LIPA: variants seen among roughly 807,000 people sequenced by gnomAD.
The protein encoded by LIPA is lipase A, lysosomal acid type.
In LIPA, 26 loss-of-function variants were observed where a neutral mutation model predicts 40.6. That is an observed-to-expected ratio of 0.64 (90% CI 0.47 to 0.89). LIPA has a LOEUF of 0.89. Among genes scored for constraint, LIPA ranks in the 40% least tolerant of loss-of-function variants. The probability of loss-of-function intolerance (pLI) is 0.00; values close to 1 mark genes in which losing one functional copy is unlikely to be tolerated. For synonymous variants in LIPA, 188 were observed against 168.4 expected (o/e 1.12, Z -0.90); for missense variants, 455 against 479.6 (o/e 0.95, Z 0.48).
chr10:89,220,919 AG>A (rs1842690021), intron 8 of LIPA, among the ~76,000 whole-genome samples: 3 of 152,224 alleles, frequency 2.0e-5, no homozygotes, highest in Admixed American at 2.0e-4. Flanking sequence ...TACACAACAT[AG>A]GAAAATTTCA....
chr10:89,252,857 A>G (rs1009369851), upstream of LIPA, among the ~76,000 whole-genome samples: 1 of 151,934 alleles, frequency 6.6e-6, no homozygotes, highest in Non-Finnish European at 1.5e-5. Context: ...TATGGTAATC[A>G]GGAAAGGACT....
At chr10:89,228,106 A>G in intron 4 of LIPA, 94 bp downstream of exon 4, 1 of 1,058,814 alleles carries the variant, frequency 9.4e-7, no homozygotes, top group Non-Finnish European at 1.5e-6. Flanking sequence ...ACAACTTCAG[A>G]GTTACCACCT....
intron 1 of LIPA, among the ~76,000 whole-genome samples, chr10:89,325,958 G>GA (rs1343979048): frequency 1.7e-4 from 26 of 152,210 alleles, no homozygotes; most frequent in African/African-American, 6.0e-4. Flanking sequence ...CAAGGATGTG[G>GA]AAAAAAGGAA....
At chr10:89,339,407 A>T in intron 1 of LIPA, 3 of 1,614,212 alleles carry the variant, frequency 1.9e-6, no homozygotes, top group Non-Finnish European at 2.5e-6. Flanking sequence ...GCCAAATTTT[A>T]CAGAAGAAAA....
intron 1 of LIPA, among the ~76,000 whole-genome samples, chr10:89,297,953 C>G (rs985307669): frequency 2.0e-5 from 3 of 152,262 alleles, no homozygotes; most frequent in African/African-American, 7.2e-5. Flanking sequence ...CGTCTCTCCT[C>G]TCTCTGCACA....
chr10:89,394,940 A>G (rs376732836), intron 2 of LIPA, among the ~76,000 whole-genome samples: 1 of 152,038 alleles, frequency 6.6e-6, no homozygotes, highest in African/African-American at 2.4e-5. Context: ...AACACATACT[A>G]TGTGGTTATA....
At chr10:89,347,329 C>G (rs1843929691), upstream of LIPA, among the ~76,000 whole-genome samples, 1 of 152,188 alleles carries the variant, frequency 6.6e-6, no homozygotes, top group Admixed American at 6.5e-5. Flanking sequence ...CACCCTCTGC[C>G]TAGCATGTAC....
At chr10:89,304,712 T>C (rs1464861372) in intron 1 of LIPA, among the ~76,000 whole-genome samples, 1 of 152,186 alleles carries the variant, frequency 6.6e-6, no homozygotes, top group Non-Finnish European at 1.5e-5. Context: ...TAATTCGAAA[T>C]ACAGGCTTTT....
chr10:89,356,913 A>C (rs556042989), intron 2 of LIPA, among the ~76,000 whole-genome samples: 2 of 152,234 alleles, frequency 1.3e-5, no homozygotes, highest in African/African-American at 4.8e-5. Flanking sequence ...GACTGATTGA[A>C]TCATTGGCCA....
At chr10:89,414,452 T>G (rs935935897) in exon 1 of LIPA, 1 of 289,684 alleles carries the variant, frequency 3.5e-6, no homozygotes, top group African/African-American at 2.2e-5. Flanking sequence ...GGAGCCCAGC[T>G]GCAAATTCAA....
intron 2 of LIPA, among the ~76,000 whole-genome samples, chr10:89,398,699 TATCA>T (rs1844379889): frequency 9.2e-5 from 14 of 152,248 alleles, no homozygotes; most frequent in Admixed American, 9.2e-4. Flanking sequence ...TTGTAACATG[TATCA>T]GAATGTCTTT....
chr10:89,316,733 G>A (rs543002584), intron 1 of LIPA, among the ~76,000 whole-genome samples: 57 of 152,338 alleles, frequency 3.7e-4, no homozygotes, highest in African/African-American at 1.0e-3. Flanking sequence ...CTCCCAGCAC[G>A]GAGTTTGAGA....
intron 1 of LIPA, among the ~76,000 whole-genome samples, chr10:89,273,468 G>GC (rs879718294): frequency 2.0e-5 from 3 of 152,162 alleles, no homozygotes; most frequent in Admixed American, 1.3e-4. Flanking sequence ...GAGACCAGGA[G>GC]CACTGGAACC....
intron 1 of LIPA, among the ~76,000 whole-genome samples, chr10:89,310,068 C>T (rs989520261): frequency 3.9e-5 from 6 of 152,236 alleles, no homozygotes; most frequent in African/African-American, 9.6e-5. Context: ...TTCACATTCT[C>T]TGTATTTGAT....
chr10:89,299,786 A>G (rs1843434921), intron 1 of LIPA, among the ~76,000 whole-genome samples: 1 of 152,168 alleles, frequency 6.6e-6, no homozygotes, highest in Non-Finnish European at 1.5e-5. Context: ...GCAAGGATGC[A>G]GGGGAAAGGG....
At chr10:89,362,643 G>T in intron 2 of LIPA, 1 of 481,704 alleles carries the variant, frequency 2.1e-6, no homozygotes. Flanking sequence ...CAGACTGGCA[G>T]AAGCCCAGAC....
At chr10:89,289,871 A>T (rs2133506030) in intron 1 of LIPA, among the ~76,000 whole-genome samples, 1 of 151,934 alleles carries the variant, frequency 6.6e-6, no homozygotes, top group South Asian at 2.1e-4. Context: ...TATCTCCACC[A>T]CACTATCAAT....
intron 2 of LIPA, among the ~76,000 whole-genome samples, chr10:89,368,926 TCACA>T (rs3063812): frequency 0.028 from 4,236 of 148,778 alleles, 140 homozygotes; most frequent in East Asian, 0.096. Context: ...AACACAAAAC[TCACA>T]CACACACACA....
chr10:89,350,519 A>G (rs1275815728), intron 2 of LIPA, among the ~76,000 whole-genome samples: 1 of 151,876 alleles, frequency 6.6e-6, no homozygotes, highest in African/African-American at 2.4e-5. Context: ...GTTGCCCAGG[A>G]TGGTCTCGAA....
Sources: gnomAD v4.1 joint callset for allele counts (sites outside exome capture counted in the v4.1 genomes callset) on GRCh38, gnomAD v4.1.1 for gene constraint, MANE v1.5 for transcripts, NCBI Gene and HGNC (gene_info 2026-07-23, HGNC 2026-07-21) for gene names.